The following HNRNPC variants were observed in gnomAD, a reference collection of about 807,000 sequenced individuals.
The protein encoded by HNRNPC is heterogeneous nuclear ribonucleoproteins C1/C2.
Under a neutral mutation model 33.2 loss-of-function variants are expected in HNRNPC, and 3 were observed. That is an observed-to-expected ratio of 0.09 (90% CI 0.04 to 0.23). The LOEUF (loss-of-function observed/expected upper bound fraction) is 0.23, where lower values mean the gene tolerates loss of function less well. HNRNPC is among the 10% of genes least tolerant of loss of function. HNRNPC has a pLI of 1.00. For synonymous variants in HNRNPC, 121 were observed against 126.7 expected (o/e 0.96, Z 0.30); for missense variants, 143 against 366.7 (o/e 0.39, Z 4.98).
intron 5 of HNRNPC, among the ~76,000 whole-genome samples, chr14:21,215,812 T>C (rs1444779484): frequency 5.3e-5 from 8 of 150,520 alleles, no homozygotes; most frequent in Non-Finnish European, 1.2e-4. Context: ...GGCAGAAGAA[T>C]TGCTTGAATC....
chr14:21,259,262 C>T lies in HNRNPC; in HGVS notation c.-37+4049G>A, dbSNP rs115085868. Among the ~76,000 whole-genome samples the T allele has an allele frequency of 3.1e-3, 471 of 152,306 alleles. 2 individuals carry two copies. Among genetic ancestry groups the T allele is most frequent in the African/African-American group, 0.01 (428 of 41,558 alleles). Reference sequence around the variant, plus strand: ...CGTAGCTAAGCTTCCCTGGCAGCATCCCCCAAATTCCATGTTCTAATTTTG... The same window carrying T: ...CGTAGCTAAGCTTCCCTGGCAGCATTCCCCAAATTCCATGTTCTAATTTTG... On this transcript the variant is annotated intron_variant, in intron 2 of 8. Transcript: ENST00000553300.
At chr14:21,221,023 G>T (rs946106458) in intron 5 of HNRNPC, among the ~76,000 whole-genome samples, 1 of 152,132 alleles carries the variant, frequency 6.6e-6, no homozygotes, top group African/African-American at 2.4e-5. Context: ...GGAGGCAAAA[G>T]GTGCAGTGAG....
chr14:21,233,637 G>C (rs974477999), intron 3 of HNRNPC, among the ~76,000 whole-genome samples: 1 of 152,136 alleles, frequency 6.6e-6, no homozygotes, highest in Non-Finnish European at 1.5e-5. Context: ...ATCAACACTA[G>C]AGGGCTCCTC....
At chr14:21,250,231 C>A (rs1896479680) in intron 2 of HNRNPC, among the ~76,000 whole-genome samples, 2 of 150,742 alleles carry the variant, frequency 1.3e-5, no homozygotes, top group South Asian at 2.1e-4. Context: ...CCAGCCTGGG[C>A]AACGGAGCGA....
intron 5 of HNRNPC, among the ~76,000 whole-genome samples, chr14:21,228,815 T>C (rs958440155): frequency 3.3e-5 from 5 of 152,006 alleles, no homozygotes; most frequent in Non-Finnish European, 5.9e-5. Context: ...CTGGACACAG[T>C]GGCTCACACC....
chr14:21,219,384 G>A (rs1892583986), intron 5 of HNRNPC, among the ~76,000 whole-genome samples: 1 of 152,178 alleles, frequency 6.6e-6, no homozygotes, highest in African/African-American at 2.4e-5. Context: ...TTTATTGTGT[G>A]TTTTCTATGC....
At chr14:21,226,949 T>A (rs529605677) in intron 5 of HNRNPC, among the ~76,000 whole-genome samples, 1 of 151,402 alleles carries the variant, frequency 6.6e-6, no homozygotes, top group African/African-American at 2.4e-5. Context: ...GACCCAGAGC[T>A]TTCACTCAGA....
chr14:21,244,562 A>G (rs1273692542), intron 2 of HNRNPC, among the ~76,000 whole-genome samples: 1 of 152,254 alleles, frequency 6.6e-6, no homozygotes, highest in African/African-American at 2.4e-5. Context: ...TCTAAATCAT[A>G]GTTGACTCTT....
At chr14:21,219,331 T>A (rs1483004677) in intron 5 of HNRNPC, among the ~76,000 whole-genome samples, 1 of 152,184 alleles carries the variant, frequency 6.6e-6, no homozygotes, top group Non-Finnish European at 1.5e-5. Context: ...ATGCATTTTG[T>A]AAATCAAATC....
intron 5 of HNRNPC, among the ~76,000 whole-genome samples, chr14:21,227,880 G>A (rs962816369): frequency 6.6e-6 from 1 of 152,200 alleles, no homozygotes; most frequent in Non-Finnish European, 1.5e-5. Context: ...CAACAAAAGT[G>A]TGAGTTTATT....
intron 5 of HNRNPC, among the ~76,000 whole-genome samples, chr14:21,215,543 T>A (rs1156284271): frequency 6.6e-6 from 1 of 152,204 alleles, no homozygotes; most frequent in African/African-American, 2.4e-5. Context: ...GGTGTTGGTA[T>A]AAAATCTAGT....
chr14:21,249,777 C>T (rs1896423779), intron 2 of HNRNPC, among the ~76,000 whole-genome samples: 1 of 151,976 alleles, frequency 6.6e-6, no homozygotes, highest in Non-Finnish European at 1.5e-5. Context: ...GGTGTTACGA[C>T]ATAAAAGTCC....
At chr14:21,256,897 G>A (rs913830670) in intron 2 of HNRNPC, among the ~76,000 whole-genome samples, 9 of 152,014 alleles carry the variant, frequency 5.9e-5, no homozygotes, top group South Asian at 2.1e-4. Flanking sequence ...CAAGCGATGC[G>A]CCTCCCTCAG....
intron 8 of HNRNPC, 23 bp from the exon 9 acceptor site, chr14:21,211,329 GGATGGA>G (rs1464540265): frequency 6.2e-7 from 1 of 1,613,566 alleles, no homozygotes; most frequent in Non-Finnish European, 8.5e-7. Context: ...GACACAAACA[GGATGGA>G]GTTAGAGGCA....
intron 2 of HNRNPC, among the ~76,000 whole-genome samples, chr14:21,259,127 T>C (rs1032465240): frequency 3.3e-5 from 5 of 152,216 alleles, no homozygotes; most frequent in Non-Finnish European, 7.3e-5. Context: ...TCTTGGTAAT[T>C]ATTTTCCAGT....
chr14:21,215,872 C>T (rs1892097178), intron 5 of HNRNPC, among the ~76,000 whole-genome samples: 1 of 143,340 alleles, frequency 7.0e-6, no homozygotes, highest in African/African-American at 2.7e-5. Flanking sequence ...GTACTCCAGC[C>T]TCAGTGACAG....
At position 21,213,061 on chromosome 14, in the gene HNRNPC, A is replaced by G; in HGVS notation, c.422T>C (p.Val141Ala). 6.2e-7 allele frequency: 1 copy of G among 1,614,058 alleles called. No homozygotes were observed. The highest frequency in any genetic ancestry group is 8.5e-7 in the Non-Finnish European group (1 of 1,179,930). The change falls in exon 6 of 9, where the codon GTG becomes GCG. Residue 141 changes from valine (V) to alanine (A), a missense_variant. Val to Ala is a moderately conservative substitution (Grantham distance 64). Coordinates refer to ENST00000553300, the MANE Select transcript of HNRNPC (RefSeq NM_004500.4). ...TGATACACGCTGACGTTTCGAGGGCACTACAGCCCGAGCAATAGGAGGAGG... is the reference window on the plus strand; with the variant it reads ...TGATACACGCTGACGTTTCGAGGGCGCTACAGCCCGAGCAATAGGAGGAGG... ...PPPPPIARAV[V>A]PSKRQRVSGN...
At chr14:21,234,578 TTC>T (rs1176905915) in intron 2 of HNRNPC, among the ~76,000 whole-genome samples, 9 of 152,206 alleles carry the variant, frequency 5.9e-5, no homozygotes, top group South Asian at 2.1e-4. Flanking sequence ...TTTGCCTAAA[TTC>T]TCTGACACCA....
intron 1 of HNRNPC, among the ~76,000 whole-genome samples, chr14:21,267,278 A>C (rs1879183428): frequency 6.6e-6 from 1 of 152,056 alleles, no homozygotes; most frequent in Non-Finnish European, 1.5e-5. Context: ...ATTTCTCCTA[A>C]CTCCTAGGCA....
Sources: allele counts gnomAD v4.1 joint callset (sites outside exome capture counted in the v4.1 genomes callset), GRCh38; gene constraint gnomAD v4.1.1; transcripts MANE v1.5; gene names NCBI Gene and HGNC (gene_info 2026-07-23, HGNC 2026-07-21).